SESN1: variants seen among roughly 807,000 people sequenced by gnomAD.
SESN1 encodes the protein sestrin-1.
SESN1 carries 30 observed loss-of-function variants against 59.3 expected under a neutral mutation model. The observed-to-expected ratio is 0.51, with a 90% CI of 0.38 to 0.69. The LOEUF (loss-of-function observed/expected upper bound fraction) is 0.69. Ranked by LOEUF, SESN1 falls within the 30% of genes least tolerant of loss-of-function variation. The probability of loss-of-function intolerance (pLI) is 0.00; values close to 1 mark genes in which losing one functional copy is unlikely to be tolerated. For synonymous variants in SESN1, 197 were observed against 219.9 expected (o/e 0.90, Z 0.92); for missense variants, 566 against 673.0 (o/e 0.84, Z 1.76).
At chr6:109,006,352 GGTTT>G (rs1562457823) in intron 1 of SESN1, among the ~76,000 whole-genome samples, 1 of 151,858 alleles carries the variant, frequency 6.6e-6, no homozygotes, top group Non-Finnish European at 1.5e-5. Context: ...ACAATGTGCA[GGTTT>G]GTTACATATG....
intron 1 of SESN1, among the ~76,000 whole-genome samples, chr6:109,032,068 G>A (rs1264392722): frequency 6.6e-6 from 1 of 152,126 alleles, no homozygotes; most frequent in Non-Finnish European, 1.5e-5. Context: ...TCGAGAGTTT[G>A]AGACCAGCCT....
chr6:109,071,545 A>G (rs1780935122), intron 1 of SESN1, among the ~76,000 whole-genome samples: 1 of 152,038 alleles, frequency 6.6e-6, no homozygotes, highest in Admixed American at 6.6e-5. Context: ...TTCTGTGTTA[A>G]TATGTATTTC....
intron 1 of SESN1, among the ~76,000 whole-genome samples, chr6:109,072,333 A>G (rs1780952981): frequency 6.6e-6 from 1 of 152,196 alleles, no homozygotes; most frequent in Non-Finnish European, 1.5e-5. Flanking sequence ...TTTTTATTGT[A>G]TAGTGGGTGA....
chr6:109,036,634 T>C (rs1445924099), intron 1 of SESN1, among the ~76,000 whole-genome samples: 1 of 152,200 alleles, frequency 6.6e-6, no homozygotes, highest in Non-Finnish European at 1.5e-5. Context: ...AAAAAATTTT[T>C]TTTAGGTTGT....
chr6:109,066,811 C>T (rs1030922885), intron 1 of SESN1, among the ~76,000 whole-genome samples: 5 of 152,032 alleles, frequency 3.3e-5, no homozygotes, highest in South Asian at 2.1e-4. Flanking sequence ...CTTAAAAGTT[C>T]GAGAGAGACT....
chr6:109,062,527 G>A (rs941506025), intron 1 of SESN1, among the ~76,000 whole-genome samples: 1 of 152,170 alleles, frequency 6.6e-6, no homozygotes, highest in Non-Finnish European at 1.5e-5. Flanking sequence ...TAAATTATGT[G>A]AGGCCATGTA....
intron 1 of SESN1, among the ~76,000 whole-genome samples, chr6:109,046,298 C>T (rs1196997742): frequency 1.4e-4 from 22 of 151,772 alleles, no homozygotes; most frequent in Admixed American, 3.9e-4. Flanking sequence ...TTGGCCGGGC[C>T]GGTCTCCAGC....
intron 1 of SESN1, among the ~76,000 whole-genome samples, chr6:109,085,291 A>G (rs781222511): frequency 2.2e-4 from 34 of 152,136 alleles, no homozygotes; most frequent in Admixed American, 1.3e-4. Context: ...AAGCCGAGGC[A>G]GGCAGATCAC....
rs572052397 is a variant in SESN1, at chr6:109,006,442, TC to T, written c.280-4100del. Among the ~76,000 whole-genome samples the T allele has an allele frequency of 2.0e-4, 21 of 106,836 alleles. No individual in the cohort carries two copies. In the South Asian group the frequency reaches 6.9e-3, roughly 35 times the overall value. 70.1% of individuals were successfully genotyped at this position (106,836 alleles called of 152,430 possible). A position where few individuals can be genotyped will look rare whatever the true frequency, so the allele number is the denominator to read the frequency against. On this transcript the variant is annotated intron_variant, in intron 1 of 9. Coordinates refer to ENST00000436639, the MANE Select transcript of SESN1 (RefSeq NM_014454.3). ...TAGGTATATCTCCTAATGCTATCCC[TC>T]CCCCCACCCCCTACCCCACGACAGG...
At chr6:109,023,237 G>A in intron 1 of SESN1, among the ~76,000 whole-genome samples, 1 of 152,068 alleles carries the variant, frequency 6.6e-6, no homozygotes, top group East Asian at 1.9e-4. Flanking sequence ...GTTCCCCTTT[G>A]AAACTTTATA....
intron 1 of SESN1, among the ~76,000 whole-genome samples, chr6:109,048,480 GCCA>G (rs769703301): frequency 6.6e-6 from 1 of 152,170 alleles, no homozygotes; most frequent in Non-Finnish European, 1.5e-5. Context: ...TGAAAAGGCA[GCCA>G]CCTTCTCTAG....
intron 1 of SESN1, among the ~76,000 whole-genome samples, chr6:109,049,206 AG>A: frequency 6.6e-6 from 1 of 152,358 alleles, no homozygotes; most frequent in African/African-American, 2.4e-5. Flanking sequence ...GCCATAAAAA[AG>A]AAGGAATCCT....
At chr6:109,009,544 A>T (rs528669835) in intron 1 of SESN1, 4 of 1,063,808 alleles carry the variant, frequency 3.8e-6, no homozygotes, top group East Asian at 9.6e-5. Context: ...CGCCTCAGTC[A>T]GCACGGACGG....
intron 1 of SESN1, among the ~76,000 whole-genome samples, chr6:109,029,613 T>G (rs1052753695): frequency 9.9e-5 from 15 of 152,278 alleles, no homozygotes; most frequent in Admixed American, 9.8e-4. Context: ...CATATCTCAC[T>G]GCAGTCTTGA....
chr6:109,007,962 G>T (rs939491096), intron 1 of SESN1, among the ~76,000 whole-genome samples: 1 of 152,032 alleles, frequency 6.6e-6, no homozygotes, highest in Non-Finnish European at 1.5e-5. Flanking sequence ...CTATTTGAAA[G>T]AATTGTGTTA....
At chr6:109,025,281 T>C (rs1780074055) in intron 1 of SESN1, among the ~76,000 whole-genome samples, 1 of 151,498 alleles carries the variant, frequency 6.6e-6, no homozygotes, top group African/African-American at 2.4e-5. Flanking sequence ...CATAAGGAGG[T>C]GGGGGATGAA....
chr6:109,084,531 C>T (rs1054750542), intron 1 of SESN1, among the ~76,000 whole-genome samples: 13 of 151,878 alleles, frequency 8.6e-5, no homozygotes, highest in African/African-American at 2.7e-4. Context: ...CCAGCCTGGG[C>T]AACAAGAGCA....
intron 1 of SESN1, among the ~76,000 whole-genome samples, chr6:109,086,226 C>T (rs1781211402): frequency 6.6e-6 from 1 of 152,126 alleles, no homozygotes; most frequent in Admixed American, 6.5e-5. Flanking sequence ...TGGCGCATAC[C>T]TGTAATCCCA....
intron 1 of SESN1, among the ~76,000 whole-genome samples, chr6:109,034,846 C>T (rs1780228947): frequency 6.6e-6 from 1 of 152,128 alleles, no homozygotes; most frequent in African/African-American, 2.4e-5. Flanking sequence ...GATTTGAGTT[C>T]CTGATGATTA....
Sources: allele counts gnomAD v4.1 joint callset (sites outside exome capture counted in the v4.1 genomes callset), GRCh38; gene constraint gnomAD v4.1.1; transcripts MANE v1.5; gene names NCBI Gene and HGNC (gene_info 2026-07-23, HGNC 2026-07-21).